Variants in ZMAT3 observed in about 807,000 individuals in gnomAD.
The protein encoded by ZMAT3 is zinc finger matrin-type 3, also known as zinc finger matrin-type protein 3.
ZMAT3 carries 17 observed loss-of-function variants against 32.3 expected under a neutral mutation model. The ratio of observed to expected loss-of-function variants is 0.53; its 90% confidence interval spans 0.36 to 0.79. The LOEUF is 0.79. ZMAT3 is among the 30% of genes least tolerant of loss of function. ZMAT3 has a pLI of 0.00. For missense variants in ZMAT3, 329 were observed against 359.7 expected, an observed-to-expected ratio of 0.91 and a Z score of 0.69; for synonymous variants, 120 against 133.1, an observed-to-expected ratio of 0.90 and a Z score of 0.68.
chr3:179,052,984 C>T (rs1363015541), intron 2 of ZMAT3, among the ~76,000 whole-genome samples: 1 of 151,860 alleles, frequency 6.6e-6, no homozygotes. Flanking sequence ...AAAAATTAGC[C>T]AGGCACAGTG....
chr3:179,055,187 A>T (rs1720772649), intron 2 of ZMAT3, among the ~76,000 whole-genome samples: 1 of 152,206 alleles, frequency 6.6e-6, no homozygotes, highest in South Asian at 2.1e-4. Flanking sequence ...ATTCTGGAGA[A>T]TTGGGACCAA....
rs73048060 is a variant in ZMAT3, at chr3:179,031,466, G to A, written c.271-467C>T. 6.6e-3 allele frequency among the ~76,000 whole-genome samples: 1,010 copies of A among 152,100 alleles called. 9 individuals carry two copies. The highest frequency in any genetic ancestry group is 0.023 in the African/African-American group (964 of 41,494). ...TCCTTCACACATACACAACCCTGGG[G>A]GTAAACAGACTACTATAGTGCTAGA... On this transcript the variant is annotated intron_variant, in intron 2 of 5. Transcript: ENST00000311417.
chr3:179,048,461 G>T (rs4955809), intron 2 of ZMAT3, among the ~76,000 whole-genome samples: 94,326 of 152,048 alleles, frequency 0.62, 29,444 homozygotes, highest in East Asian at 0.8. Flanking sequence ...AACAGCAGAT[G>T]TCTCAGCCGA....
intron 2 of ZMAT3, among the ~76,000 whole-genome samples, chr3:179,039,675 C>T (rs1230497758): frequency 6.6e-6 from 1 of 152,154 alleles, no homozygotes; most frequent in Non-Finnish European, 1.5e-5. Flanking sequence ...GCCTCCTCTC[C>T]AAAGGATCAT....
chr3:179,062,990 T>C (rs549333071), intron 2 of ZMAT3, among the ~76,000 whole-genome samples: 1 of 152,222 alleles, frequency 6.6e-6, no homozygotes, highest in East Asian at 1.9e-4. Flanking sequence ...AGATAACATA[T>C]GCAAGTCTCA....
intron 2 of ZMAT3, among the ~76,000 whole-genome samples, chr3:179,038,842 A>G (rs899777626): frequency 6.6e-6 from 1 of 152,232 alleles, no homozygotes; most frequent in Non-Finnish European, 1.5e-5. Flanking sequence ...CTGGAAAAAC[A>G]GGACACTTCT....
rs1211925811 is a variant in ZMAT3, at chr3:179,024,914, A to T, written c.*103T>A. ...ACTGTGGGTTACATGTATTAACATT[A>T]AGCAGAGGAATGTACTCATATCAAA... is the stretch of plus-strand genomic sequence containing the variant. On this transcript the variant is annotated 3_prime_UTR_variant, in exon 6 of 6. Transcript: ENST00000311417. The T allele has an allele frequency of 6.1e-6, 7 of 1,153,262 alleles. No homozygotes were observed. Among genetic ancestry groups the T allele is most frequent in the Non-Finnish European group, 9.0e-6 (7 of 781,604 alleles). The allele number at this position is 1,153,262 out of a possible 1,614,324, so 71.4% of individuals were successfully genotyped here. A position where few individuals can be genotyped will look rare whatever the true frequency, so the allele number is the denominator to read the frequency against.
chr3:179,062,287 T>A (rs959879314), intron 2 of ZMAT3, among the ~76,000 whole-genome samples: 1 of 152,160 alleles, frequency 6.6e-6, no homozygotes, highest in East Asian at 1.9e-4. Flanking sequence ...AGAACAATTC[T>A]ACCTGCAGAA....
chr3:179,025,692 T>C (rs193141911), intron 5 of ZMAT3, among the ~76,000 whole-genome samples: 16 of 152,232 alleles, frequency 1.1e-4, no homozygotes, highest in African/African-American at 3.6e-4. Flanking sequence ...GAAGAAGAGA[T>C]TCAAAAATAG....
At chr3:179,060,386 TA>T (rs1021120909) in intron 2 of ZMAT3, among the ~76,000 whole-genome samples, 13 of 151,732 alleles carry the variant, frequency 8.6e-5, no homozygotes, top group Non-Finnish European at 1.3e-4. Context: ...TAAGAAAGAA[TA>T]TTTTTTTTTT....
At chr3:179,042,760 A>G (rs990868267) in intron 2 of ZMAT3, among the ~76,000 whole-genome samples, 1 of 152,230 alleles carries the variant, frequency 6.6e-6, no homozygotes, top group African/African-American at 2.4e-5. Flanking sequence ...AGGGTATTCA[A>G]TTAGGAGAAG....
rs566840233 is a variant in ZMAT3, at chr3:179,053,188, ATATC to A, written c.270+14291_270+14294del. ...ATTAGAATATAGGTATAGATATAGA[ATATC>A]TATAGATATAAAATATATCTAGATA... On this transcript the variant is annotated intron_variant, in intron 2 of 5. Transcript: ENST00000311417. Among the ~76,000 whole-genome samples, 508 of 151,000 alleles carry A rather than the reference ATATC, an allele frequency of 3.4e-3. 1 individual carries two copies. The highest frequency in any genetic ancestry group is 5.5e-3 in the Non-Finnish European group (375 of 67,784).
intron 2 of ZMAT3, among the ~76,000 whole-genome samples, chr3:179,061,796 C>T (rs898662215): frequency 6.6e-6 from 1 of 152,094 alleles, no homozygotes; most frequent in Non-Finnish European, 1.5e-5. Flanking sequence ...AATATTTCCC[C>T]ACTCATAATA....
intron 2 of ZMAT3, among the ~76,000 whole-genome samples, chr3:179,056,858 T>C (rs1720873969): frequency 1.3e-5 from 2 of 152,188 alleles, no homozygotes; most frequent in South Asian, 2.1e-4. Context: ...TTTCTAATTA[T>C]GCCTGAAAGC....
intron 2 of ZMAT3, among the ~76,000 whole-genome samples, chr3:179,065,123 A>C (rs538519503): frequency 6.6e-6 from 1 of 152,130 alleles, no homozygotes; most frequent in South Asian, 2.1e-4. Context: ...ATTATACCCA[A>C]ACTTTTCATT....
At chr3:179,047,337 G>C (rs1211697894) in intron 2 of ZMAT3, among the ~76,000 whole-genome samples, 2 of 152,180 alleles carry the variant, frequency 1.3e-5, no homozygotes, top group Non-Finnish European at 2.9e-5. Context: ...CACCCTGTGG[G>C]ACAAAAGAAT....
At chr3:179,066,495 G>C (rs945940323) in intron 2 of ZMAT3, among the ~76,000 whole-genome samples, 1 of 152,180 alleles carries the variant, frequency 6.6e-6, no homozygotes, top group African/African-American at 2.4e-5. Context: ...AACACCCACA[G>C]TAAACAAAGT....
At chr3:179,029,847 G>A (rs747216755) in intron 3 of ZMAT3, among the ~76,000 whole-genome samples, 27 of 152,098 alleles carry the variant, frequency 1.8e-4, no homozygotes, top group Non-Finnish European at 3.7e-4. Flanking sequence ...CTTTATTACT[G>A]AGTTTTTTGG....
chr3:179,069,025 T>A (rs1162815014), intron 1 of ZMAT3, among the ~76,000 whole-genome samples: 1 of 152,210 alleles, frequency 6.6e-6, no homozygotes, highest in African/African-American at 2.4e-5. Context: ...GTTACTTGCC[T>A]GTTCTCTGTG....
Sources: gnomAD v4.1 joint callset for allele counts (sites outside exome capture counted in the v4.1 genomes callset) on GRCh38, gnomAD v4.1.1 for gene constraint, MANE v1.5 for transcripts, NCBI Gene and HGNC (gene_info 2026-07-23, HGNC 2026-07-21) for gene names.